The following CA13 variants were observed in gnomAD, a reference collection of about 807,000 sequenced individuals.
CA13 encodes the protein CA-XIII.
In CA13, 21 loss-of-function variants were observed where a neutral mutation model predicts 31.5. The observed-to-expected ratio is 0.67, with a 90% confidence interval of 0.47 to 0.96. CA13 has a LOEUF of 0.96. Among genes scored for constraint, CA13 ranks in the 40% least tolerant of loss-of-function variants. CA13 has a pLI of 0.00. For missense variants in CA13, 315 were observed against 318.9 expected (o/e 0.99, Z 0.09); for synonymous variants, 117 against 111.4 (o/e 1.05, Z -0.32).
At chr8:85,270,557 C>T (rs1807515509) in intron 6 of CA13, among the ~76,000 whole-genome samples, 1 of 152,096 alleles carries the variant, frequency 6.6e-6, no homozygotes, top group Non-Finnish European at 1.5e-5. Flanking sequence ...TCATTTTTCT[C>T]CCTGTCACAT....
chr8:85,259,326 T>A (rs1376345016), intron 2 of CA13, 95 bp from the exon 3 acceptor site: 5 of 931,258 alleles, frequency 5.4e-6, no homozygotes, highest in Non-Finnish European at 8.6e-6. Flanking sequence ...TTGGAGGACA[T>A]GGATGTATGG....
At position 85,247,323 on chromosome 8, in the gene CA13, G is replaced by A. The variant is rs535915131; in HGVS notation, c.37+1458G>A. ...ATGGATATTGATTACTCTTTAGTAG[G>A]TTAGAAATTATTCACCTGAATGAAG... On this transcript the variant is annotated intron_variant, in intron 1 of 6. Transcript: ENST00000321764. Among the ~76,000 whole-genome samples the A allele has an allele frequency of 1.9e-3, 284 of 152,246 alleles. 1 individual carries two copies. Among genetic ancestry groups the A allele is most frequent in the Non-Finnish European group, 3.2e-3 (220 of 68,000 alleles).
intron 6 of CA13, among the ~76,000 whole-genome samples, chr8:85,276,740 T>C (rs1807616502): frequency 1.3e-5 from 2 of 152,120 alleles, no homozygotes; most frequent in Non-Finnish European, 2.9e-5. Flanking sequence ...TCAAGGTTTG[T>C]AAACACACCA....
chr8:85,253,345 G>A (rs185771581), intron 2 of CA13, among the ~76,000 whole-genome samples: 2 of 151,700 alleles, frequency 1.3e-5, no homozygotes, highest in East Asian at 3.9e-4. Context: ...GCTCACTGCA[G>A]CCTTGACCTC....
chr8:85,278,265 CAAAAAA>C (rs1012685036), intron 6 of CA13, among the ~76,000 whole-genome samples: 97 of 76,956 alleles, frequency 1.3e-3, no homozygotes, highest in South Asian at 2.2e-3. Flanking sequence ...GACTCTATCT[CAAAAAA>C]AAAAAAAAAA....
intron 6 of CA13, among the ~76,000 whole-genome samples, chr8:85,276,332 C>T (rs1300543934): frequency 1.3e-5 from 2 of 152,208 alleles, no homozygotes; most frequent in Non-Finnish European, 1.5e-5. Flanking sequence ...TCCTGTGCGG[C>T]CCGAGCTTCC....
In CA13 at chr8:85,281,541, C is replaced by G; in HGVS notation, c.*192C>G. Reference sequence around the variant, plus strand: ...TTTTTATTTTTTTTAGTGATAGAGTCTCACTCTGTCACCCAGGCTGGAGGG... The same window carrying G: ...TTTTTATTTTTTTTAGTGATAGAGTGTCACTCTGTCACCCAGGCTGGAGGG... On this transcript the variant is annotated 3_prime_UTR_variant, in exon 7 of 7. Transcript: ENST00000321764. The G allele has an allele frequency of 1.6e-6, 2 of 1,243,010 alleles. No individual in the cohort carries two copies. Among genetic ancestry groups the G allele is most frequent in the Non-Finnish European group, 2.1e-6 (2 of 973,100 alleles). 77.0% of individuals were successfully genotyped at this position (1,243,010 alleles called of 1,614,324 possible). A position where few individuals can be genotyped will look rare whatever the true frequency, so the allele number is the denominator to read the frequency against.
intron 3 of CA13, among the ~76,000 whole-genome samples, chr8:85,266,028 C>A (rs888893147): frequency 9.9e-5 from 15 of 152,130 alleles, no homozygotes; most frequent in Non-Finnish European, 1.5e-4. Context: ...TCTGTGAGCT[C>A]AGCCCTCTTC....
chr8:85,263,914 C>T (rs1807421216), intron 3 of CA13, among the ~76,000 whole-genome samples: 1 of 152,086 alleles, frequency 6.6e-6, no homozygotes. Flanking sequence ...TTAGTTTTTC[C>T]AGCCACTTTT....
At chr8:85,278,525 C>T (rs1010166468) in intron 6 of CA13, among the ~76,000 whole-genome samples, 3 of 152,082 alleles carry the variant, frequency 2.0e-5, no homozygotes, top group African/African-American at 4.8e-5. Context: ...GTTTTGGGCA[C>T]CTACCAAAAT....
At chr8:85,274,267 A>G (rs1295121382) in intron 6 of CA13, among the ~76,000 whole-genome samples, 1 of 152,026 alleles carries the variant, frequency 6.6e-6, no homozygotes, top group Non-Finnish European at 1.5e-5. Context: ...AGAAAAACTT[A>G]ATTTTTTGGG....
At chr8:85,255,105 T>C (rs532417211) in intron 2 of CA13, among the ~76,000 whole-genome samples, 68 of 151,206 alleles carry the variant, frequency 4.5e-4, no homozygotes, top group South Asian at 6.3e-4. Flanking sequence ...TCCTCCTCCT[T>C]CTTCTTCTCT....
In CA13 at chr8:85,245,716, C is replaced by G. The variant is rs1227060270; in HGVS notation, c.-113C>G. On this transcript the variant is annotated 5_prime_UTR_variant, in exon 1 of 7. Transcript: ENST00000321764. ...CCGGGTTCACGGTCTCGCACTCCTGCCGCCGGCGCCCCGCGGTCCCGCCCT... is the reference window on the plus strand; with the variant it reads ...CCGGGTTCACGGTCTCGCACTCCTGGCGCCGGCGCCCCGCGGTCCCGCCCT... 7.9e-7 allele frequency: 1 copy of G among 1,259,094 alleles called. No homozygotes were observed. The highest frequency in any genetic ancestry group is 1.5e-5 in the African/African-American group (1 of 67,884). The allele number at this position is 1,259,094 out of a possible 1,614,324, so 78.0% of individuals were successfully genotyped here.
At chr8:85,246,732 C>A (rs767474114) in intron 1 of CA13, among the ~76,000 whole-genome samples, 4 of 152,066 alleles carry the variant, frequency 2.6e-5, no homozygotes, top group Non-Finnish European at 4.4e-5. Flanking sequence ...CACCAAAAAG[C>A]CTTATAGTGA....
At chr8:85,280,545 C>T (rs1044737564) in intron 6 of CA13, among the ~76,000 whole-genome samples, 1 of 152,182 alleles carries the variant, frequency 6.6e-6, no homozygotes, top group Admixed American at 6.5e-5. Context: ...TGTAGGTTCT[C>T]ATTCCTAATA....
intron 6 of CA13, among the ~76,000 whole-genome samples, chr8:85,275,460 G>GC (rs1161057445): frequency 6.6e-6 from 1 of 152,098 alleles, no homozygotes; most frequent in African/African-American, 2.4e-5. Context: ...TGCATACCTG[G>GC]CAATTGGACA....
At chr8:85,258,938 A>T (rs1027972132) in intron 2 of CA13, among the ~76,000 whole-genome samples, 2 of 151,970 alleles carry the variant, frequency 1.3e-5, no homozygotes, top group African/African-American at 4.8e-5. Context: ...AGGAAAAAAA[A>T]AAAAGAAGTT....
rs772494972 is a variant in CA13, at chr8:85,268,663, C to T, written c.669+36C>T. The T allele has an allele frequency of 7.3e-6, 11 of 1,511,880 alleles. No individual in the cohort carries two copies. In the South Asian group the frequency reaches 1.1e-4, roughly 15 times the overall value. 93.7% of individuals were successfully genotyped at this position (1,511,880 alleles called of 1,614,324 possible). On this transcript the variant is annotated intron_variant, in intron 6 of 6. Transcript: ENST00000321764. ...TCTTCCAGGTTGATACTGATTCCCTCAGAGGAAACTGGGCTTTTTTTTTTT... is the reference window on the plus strand; with the variant it reads ...TCTTCCAGGTTGATACTGATTCCCTTAGAGGAAACTGGGCTTTTTTTTTTT...
intron 6 of CA13, among the ~76,000 whole-genome samples, chr8:85,271,869 G>A (rs900573437): frequency 1.3e-5 from 2 of 152,092 alleles, no homozygotes; most frequent in Non-Finnish European, 2.9e-5. Flanking sequence ...TGGAGTTCGA[G>A]ACCAGCCTGG....
Sources: gnomAD v4.1 joint callset for allele counts (sites outside exome capture counted in the v4.1 genomes callset) on GRCh38, gnomAD v4.1.1 for gene constraint, MANE v1.5 for transcripts, NCBI Gene and HGNC (gene_info 2026-07-23, HGNC 2026-07-21) for gene names.